The following PLD1 variants were observed in gnomAD, a reference collection of about 807,000 sequenced individuals.
PLD1 encodes choline phosphatase 1.
A neutral mutation model predicts 137.1 loss-of-function variants in PLD1; 112 were observed. That is an observed-to-expected ratio of 0.82 (90% confidence interval 0.70 to 0.96). PLD1 has a LOEUF of 0.96. Among genes scored for constraint, PLD1 ranks in the 40% least tolerant of loss-of-function variants. The pLI is 0.00. For synonymous variants in PLD1, 431 were observed against 454.7 expected, an observed-to-expected ratio of 0.95 and a Z score of 0.66; for missense variants, 1,321 against 1,342.0, an observed-to-expected ratio of 0.98 and a Z score of 0.24.
intron 1 of PLD1, among the ~76,000 whole-genome samples, chr3:171,803,343 T>C (rs60943020): frequency 0.37 from 55,793 of 152,076 alleles, 10,385 homozygotes; most frequent in Middle Eastern, 0.54. Flanking sequence ...ATCTCTTTGG[T>C]CATAATGAGA....
intron 23 of PLD1, among the ~76,000 whole-genome samples, chr3:171,642,009 ACAAAGATATAGAG>A (rs1055678835): frequency 6.6e-6 from 1 of 152,122 alleles, no homozygotes. Flanking sequence ...GTAATGATAC[ACAAAGATATAGAG>A]CAAAGATATA....
chr3:171,795,106 C>T (rs1448091523), intron 1 of PLD1, among the ~76,000 whole-genome samples: 2 of 152,214 alleles, frequency 1.3e-5, no homozygotes, highest in South Asian at 2.1e-4. Context: ...CCTCCTTTTA[C>T]GGACTACTTC....
intron 19 of PLD1, 107 bp from the exon 20 acceptor site, chr3:171,662,277 C>T: frequency 1.5e-6 from 1 of 668,618 alleles, no homozygotes; most frequent in Non-Finnish European, 2.7e-6. Context: ...TGAATGATTA[C>T]AGTGGCTTGA....
chr3:171,650,576 A>C (rs1736649702), intron 21 of PLD1, among the ~76,000 whole-genome samples: 1 of 152,192 alleles, frequency 6.6e-6, no homozygotes, highest in Admixed American at 6.5e-5. Context: ...GATGCTGAAT[A>C]TAGAAGGGAA....
chr3:171,680,242 C>CTTTTTTTTTTTTTTTTTTTTTTTTT lies in PLD1; in HGVS notation c.1868-2573_1868-2549dup, dbSNP rs571538714. Among the ~76,000 whole-genome samples, 4 of 102,928 alleles carry CTTTTTTTTTTTTTTTTTTTTTTTTT rather than the reference C, an allele frequency of 3.9e-5. 2 individuals are homozygous for CTTTTTTTTTTTTTTTTTTTTTTTTT. Among genetic ancestry groups the CTTTTTTTTTTTTTTTTTTTTTTTTT allele is most frequent in the Non-Finnish European group, 3.8e-5 (2 of 52,644 alleles). The allele number at this position is 102,928 out of a possible 152,430, so 67.5% of individuals were successfully genotyped here. ...GTCTTTTTGTTTTCTTTTTCTTCCT[C>CTTTTTTTTTTTTTTTTTTTTTTTTT]TTTTTTTTTTTTTTTTTTTTTTTTT... is the stretch of plus-strand genomic sequence containing the variant. On this transcript the variant is annotated intron_variant, in intron 16 of 26. Transcript: ENST00000351298.
At chr3:171,808,847 C>T (rs1374346298) in intron 1 of PLD1, among the ~76,000 whole-genome samples, 1 of 57,162 alleles carries the variant, frequency 1.7e-5, no homozygotes, top group East Asian at 5.2e-4. Flanking sequence ...TTTTTTGAGA[C>T]AGATTCTTGC....
At chr3:171,735,163 C>G (rs1435848426) in intron 4 of PLD1, among the ~76,000 whole-genome samples, 193 bp from the exon 5 acceptor site, 1 of 152,192 alleles carries the variant, frequency 6.6e-6, no homozygotes, top group Non-Finnish European at 1.5e-5. Flanking sequence ...TGGATGTACT[C>G]TGTCACCCAG....
chr3:171,654,422 AACTG>A lies in PLD1; in HGVS notation c.2429+4787_2429+4790del, dbSNP rs910573677. 2.4e-4 allele frequency: 46 copies of A among 190,196 alleles called. 1 individual carries two copies. The highest frequency in any genetic ancestry group is 8.7e-4 in the South Asian group (12 of 13,768). 11.8% of individuals were successfully genotyped at this position (190,196 alleles called of 1,614,324 possible). A position where few individuals can be genotyped will look rare whatever the true frequency, so the allele number is the denominator to read the frequency against. On this transcript the variant is annotated intron_variant, in intron 21 of 26. Coordinates refer to ENST00000351298, the MANE Select transcript of PLD1 (RefSeq NM_002662.5). ...TATTAAAACATAGAAGCATTAAGTC[AACTG>A]ACTATTTTCATTGTGTGTGTCAACT...
intron 1 of PLD1, chr3:171,792,976 C>T (rs538507894): frequency 3.4e-6 from 1 of 294,796 alleles, no homozygotes; most frequent in Non-Finnish European, 6.6e-6. Context: ...GCCAAGATAC[C>T]ACCAGGAATA....
chr3:171,765,412 A>G (rs1433489502), intron 1 of PLD1: 1 of 152,080 alleles, frequency 6.6e-6, no homozygotes, highest in Admixed American at 6.5e-5. Context: ...AGGTCTTCCT[A>G]GGAAGCAGTT....
intron 1 of PLD1, among the ~76,000 whole-genome samples, chr3:171,774,112 T>A (rs1466797678): frequency 6.6e-6 from 1 of 151,530 alleles, no homozygotes; most frequent in Admixed American, 6.6e-5. Flanking sequence ...ACTGCCAAGA[T>A]CACACAGTTA....
intron 23 of PLD1, among the ~76,000 whole-genome samples, chr3:171,628,556 C>A (rs1319342101): frequency 6.6e-6 from 1 of 151,414 alleles, no homozygotes; most frequent in Non-Finnish European, 1.5e-5. Flanking sequence ...GAGACACAAC[C>A]AAAAAAGAGA....
At chr3:171,636,334 G>C (rs1735132129) in intron 23 of PLD1, among the ~76,000 whole-genome samples, 1 of 151,842 alleles carries the variant, frequency 6.6e-6, no homozygotes, top group Non-Finnish European at 1.5e-5. Context: ...GTTTTGGTAG[G>C]GATTGTGTTG....
At chr3:171,807,238 G>A (rs1331347998) in intron 1 of PLD1, among the ~76,000 whole-genome samples, 1 of 148,226 alleles carries the variant, frequency 6.7e-6, no homozygotes, top group Non-Finnish European at 1.5e-5. Flanking sequence ...AGCCTAGGAG[G>A]TCAAGGCTGT....
rs144838832 is a variant in PLD1 at position 171,670,363 on chromosome 3, A to G, written c.2229+4137T>C. ...CCCTGAGGCCTCTTTAATAAAATCA[A>G]TGCAAATTTACAAATATAAAGCTGA... On this transcript the variant is annotated intron_variant, in intron 19 of 26. Transcript: ENST00000351298. Among the ~76,000 whole-genome samples, 48 of 152,322 alleles carry G rather than the reference A, an allele frequency of 3.2e-4. No individual in the cohort carries two copies. In the East Asian group the frequency reaches 7.5e-3, roughly 24 times the overall value.
chr3:171,664,238 T>C (rs1230583504), intron 19 of PLD1, among the ~76,000 whole-genome samples: 1 of 152,204 alleles, frequency 6.6e-6, no homozygotes, highest in Non-Finnish European at 1.5e-5. Flanking sequence ...TCCAAGGAGC[T>C]GCATTATTAT....
intron 1 of PLD1, among the ~76,000 whole-genome samples, chr3:171,778,628 G>A (rs561721150): frequency 4.6e-5 from 7 of 152,178 alleles, no homozygotes; most frequent in East Asian, 1.9e-4. Context: ...CAGAAGAAAC[G>A]GAAACTGCAA....
chr3:171,713,289 G>A lies in PLD1; in HGVS notation c.911+604C>T, dbSNP rs372819982. On this transcript the variant is annotated intron_variant, in intron 9 of 26. Coordinates refer to ENST00000351298, the MANE Select transcript of PLD1 (RefSeq NM_002662.5). The stretch of plus-strand genomic sequence containing the variant: ...AGCCTGGCAAACATGGTGAAACCCC[G>A]TCTCTATCAAAAAATACAAACTTTA... Among the ~76,000 whole-genome samples the A allele has an allele frequency of 2.6e-5, 4 of 152,218 alleles. 1 individual carries two copies. Among genetic ancestry groups the A allele is most frequent in the East Asian group, 1.9e-4 (1 of 5,178 alleles).
intron 25 of PLD1, among the ~76,000 whole-genome samples, chr3:171,610,069 A>G (rs996527957): frequency 8.5e-5 from 13 of 152,242 alleles, no homozygotes; most frequent in African/African-American, 3.1e-4. Context: ...ATTGGTGAAG[A>G]TTAAATAAAC....
Sources: allele counts gnomAD v4.1 joint callset (sites outside exome capture counted in the v4.1 genomes callset), GRCh38; gene constraint gnomAD v4.1.1; transcripts MANE v1.5; gene names NCBI Gene and HGNC (gene_info 2026-07-23, HGNC 2026-07-21).